Variants in DPYS observed in about 807,000 individuals in gnomAD.
DPYS encodes dihydropyrimidine amidohydrolase.
Under a neutral mutation model 50.3 loss-of-function variants are expected in DPYS, and 39 were observed. The observed-to-expected ratio is 0.78, with a 90% confidence interval of 0.60 to 1.01. DPYS has a LOEUF of 1.01. Ranked by LOEUF, DPYS falls within the 50% of genes least tolerant of loss-of-function variation. DPYS has a pLI of 0.00. For synonymous variants in DPYS, 245 were observed against 250.7 expected (o/e 0.98, Z 0.22); for missense variants, 659 against 680.9 (o/e 0.97, Z 0.36).
chr8:104,408,379 G>C (rs1812065246), intron 7 of DPYS, among the ~76,000 whole-genome samples: 1 of 151,932 alleles, frequency 6.6e-6, no homozygotes, highest in Non-Finnish European at 1.5e-5. Flanking sequence ...ATGAACAAAG[G>C]GCATGAATAG....
intron 6 of DPYS, among the ~76,000 whole-genome samples, chr8:104,427,213 A>G (rs1365543896): frequency 6.6e-6 from 1 of 151,828 alleles, no homozygotes; most frequent in Admixed American, 6.6e-5. Flanking sequence ...AAAAAAAAAA[A>G]AAAAAAGAAC....
chr8:104,408,154 A>G (rs1812058971), intron 7 of DPYS, among the ~76,000 whole-genome samples: 1 of 152,282 alleles, frequency 6.6e-6, no homozygotes, highest in African/African-American at 2.4e-5. Flanking sequence ...TGCATTTGGA[A>G]GAATCTCTTT....
rs574547534 is a variant in DPYS, at chr8:104,466,021, C to T, written c.264+636G>A. 1.0e-3 allele frequency among the ~76,000 whole-genome samples: 158 copies of T among 151,742 alleles called. 2 individuals are homozygous for T. The highest frequency in any genetic ancestry group is 9.3e-3 in the Admixed American group (142 of 15,248). On this transcript the variant is annotated intron_variant, in intron 1 of 9. Coordinates refer to ENST00000351513, the MANE Select transcript of DPYS (RefSeq NM_001385.3). ...TGCGAGATCATTTCTGGAATACTTTCTCTTCTAAACCCTGGTCGGGGCTAT... is the reference window on the plus strand; with the variant it reads ...TGCGAGATCATTTCTGGAATACTTTTTCTTCTAAACCCTGGTCGGGGCTAT...
intron 7 of DPYS, among the ~76,000 whole-genome samples, chr8:104,401,372 ACACT>A (rs759740642): frequency 2.6e-5 from 4 of 151,542 alleles, no homozygotes; most frequent in Non-Finnish European, 5.9e-5. Flanking sequence ...AAGATTAATA[ACACT>A]CACCCCAGTT....
intron 7 of DPYS, among the ~76,000 whole-genome samples, chr8:104,405,185 C>T (rs139802299): frequency 7.1e-4 from 108 of 152,322 alleles, no homozygotes; most frequent in African/African-American, 2.3e-3. Flanking sequence ...CTCTGTATTC[C>T]GAGTACTTTC....
intron 7 of DPYS, among the ~76,000 whole-genome samples, chr8:104,395,278 C>T (rs990002621): frequency 4.3e-4 from 66 of 152,308 alleles, no homozygotes; most frequent in Non-Finnish European, 8.8e-5. Context: ...GGATTACGGG[C>T]ATGAGTCACT....
chr8:104,451,125 G>C, intron 2 of DPYS, 121 bp downstream of exon 2: 6 of 1,262,770 alleles, frequency 4.8e-6, no homozygotes, highest in Non-Finnish European at 6.9e-6. Flanking sequence ...GCAATGAAAA[G>C]TCTTCCTGCC....
chr8:104,388,224 T>C (rs1190280256), intron 8 of DPYS, among the ~76,000 whole-genome samples: 1 of 152,188 alleles, frequency 6.6e-6, no homozygotes, highest in Non-Finnish European at 1.5e-5. Context: ...CAAGGCAAAT[T>C]ATGCTTATCA....
At chr8:104,436,628 T>C (rs1023311614) in intron 4 of DPYS, among the ~76,000 whole-genome samples, 14 of 151,216 alleles carry the variant, frequency 9.3e-5, no homozygotes, top group African/African-American at 2.7e-4. Context: ...CCCTGAAAAA[T>C]TGAACTAGAA....
At chr8:104,417,494 T>C (rs975283691) in intron 7 of DPYS, among the ~76,000 whole-genome samples, 7 of 152,238 alleles carry the variant, frequency 4.6e-5, no homozygotes, top group Non-Finnish European at 1.0e-4. Flanking sequence ...ATGAAAAGCA[T>C]GTTCCTGATT....
intron 1 of DPYS, among the ~76,000 whole-genome samples, chr8:104,452,118 C>G (rs1813764679): frequency 6.6e-6 from 1 of 152,212 alleles, no homozygotes; most frequent in South Asian, 2.1e-4. Context: ...TCTGCACAAA[C>G]TGGAATCTTC....
rs188611984 is a variant in DPYS, at chr8:104,411,916, A to T, written c.1235+12331T>A. Reference sequence around the variant, plus strand: ...CAACATAACCTCAGCATAAAAAAAAATATCAATCTATTTGCCTCCCAGCCA... The same window carrying T: ...CAACATAACCTCAGCATAAAAAAAATTATCAATCTATTTGCCTCCCAGCCA... On this transcript the variant is annotated intron_variant, in intron 7 of 9. Coordinates refer to ENST00000351513, the MANE Select transcript of DPYS (RefSeq NM_001385.3). 3.0e-4 allele frequency: 46 copies of T among 152,338 alleles called. No homozygotes were observed. The East Asian group carries it at 8.3e-3, about 27-fold the overall frequency. 9.4% of individuals were successfully genotyped at this position (152,338 alleles called of 1,614,324 possible).
chr8:104,393,920 G>A (rs981913328), intron 7 of DPYS, among the ~76,000 whole-genome samples: 10 of 152,098 alleles, frequency 6.6e-5, no homozygotes, highest in African/African-American at 1.4e-4. Context: ...AACAGTGTAC[G>A]CTGAACCCAA....
chr8:104,430,125 C>A (rs1377730272), intron 4 of DPYS, among the ~76,000 whole-genome samples: 1 of 151,840 alleles, frequency 6.6e-6, no homozygotes, highest in Non-Finnish European at 1.5e-5. Context: ...GAATTTGAAC[C>A]CAGAATTTGA....
intron 7 of DPYS, among the ~76,000 whole-genome samples, chr8:104,399,254 G>C (rs1811697499): frequency 1.7e-5 from 2 of 118,238 alleles, no homozygotes; most frequent in South Asian, 6.0e-4. Flanking sequence ...TGGTACCACT[G>C]AACTCCAGCC....
At chr8:104,449,481 G>A (rs1246178461) in intron 2 of DPYS, among the ~76,000 whole-genome samples, 1 of 152,182 alleles carries the variant, frequency 6.6e-6, no homozygotes, top group Non-Finnish European at 1.5e-5. Flanking sequence ...TGCTAGAAAT[G>A]CAGAATCTCA....
chr8:104,463,787 C>T (rs918376882), intron 1 of DPYS, among the ~76,000 whole-genome samples: 3 of 152,210 alleles, frequency 2.0e-5, no homozygotes, highest in African/African-American at 7.2e-5. Context: ...GTCTCTAGCT[C>T]CCCAAAACAA....
In DPYS at chr8:104,466,947, G is replaced by A. The variant is rs1814440829; in HGVS notation, c.-27C>T. Reference sequence around the variant, plus strand: ...GCGAGGGGCGCGCGGGGTCCTACTCGGCCCGGGCTGCGCGCAGGGGCTGGG... The same window carrying A: ...GCGAGGGGCGCGCGGGGTCCTACTCAGCCCGGGCTGCGCGCAGGGGCTGGG... On this transcript the variant is annotated 5_prime_UTR_variant, in exon 1 of 10. Transcript: ENST00000351513. 5.6e-6 allele frequency: 8 copies of A among 1,416,458 alleles called. No individual in the cohort carries two copies. The highest frequency in any genetic ancestry group is 1.5e-5 in the South Asian group (1 of 66,116). The allele number at this position is 1,416,458 out of a possible 1,614,324, so 87.7% of individuals were successfully genotyped here. A position where few individuals can be genotyped will look rare whatever the true frequency, so the allele number is the denominator to read the frequency against.
In DPYS at chr8:104,466,921, A is replaced by G. The variant is rs2959023; in HGVS notation, c.-1T>C. 884,595 of 1,480,528 alleles carry G rather than the reference A, an allele frequency of 0.6. 265,125 individuals carry two copies. The highest frequency in any genetic ancestry group is 0.7 in the East Asian group (25,744 of 36,884). The allele number at this position is 1,480,528 out of a possible 1,614,324, so 91.7% of individuals were successfully genotyped here. On this transcript the variant is annotated 5_prime_UTR_variant, in exon 1 of 10. Coordinates refer to ENST00000351513, the MANE Select transcript of DPYS (RefSeq NM_001385.3). ...TCAGGAGCCGCGAGGGCGCCGCCAT[A>G]GCGAGGGGCGCGCGGGGTCCTACTC...
Sources: gnomAD v4.1 joint callset for allele counts (sites outside exome capture counted in the v4.1 genomes callset) on GRCh38, gnomAD v4.1.1 for gene constraint, MANE v1.5 for transcripts, NCBI Gene and HGNC (gene_info 2026-07-23, HGNC 2026-07-21) for gene names.